Variants in EPB41L2 observed in about 807,000 individuals in gnomAD.
EPB41L2 encodes erythrocyte membrane protein band 4.1 like 2.
EPB41L2 carries 43 observed loss-of-function variants against 113.0 expected under a neutral mutation model. The ratio of observed to expected loss-of-function variants is 0.38; its 90% confidence interval spans 0.30 to 0.49. The LOEUF (loss-of-function observed/expected upper bound fraction) is 0.49. EPB41L2 is among the 20% of genes least tolerant of loss of function. The probability of loss-of-function intolerance (pLI) is 0.95; values close to 1 mark genes in which losing one functional copy is unlikely to be tolerated. For missense variants in EPB41L2, 1,147 were observed against 1,223.4 expected, an observed-to-expected ratio of 0.94 and a Z score of 0.93; for synonymous variants, 442 against 436.7, an observed-to-expected ratio of 1.01 and a Z score of -0.15.
intron 1 of EPB41L2, among the ~76,000 whole-genome samples, chr6:130,972,941 A>C (rs1187832068): frequency 2.1e-5 from 1 of 47,946 alleles, no homozygotes; most frequent in Non-Finnish European, 5.8e-5. Context: ...AAGATACAAA[A>C]AAAAAAAAAA....
Position 130,955,208 on chromosome 6 carries a change from T to C in EPB41L2, c.602A>G (p.Glu201Gly). ...TTGAGATGCCTTCTCTGCTTTCAGC[T>C]CATTGGTCTGCACTTCCTTGGTCTC... ...KRETKEVQTNELKAEKASQKV... is the reference protein window; with the variant it reads ...KRETKEVQTNGLKAEKASQKV... The change falls in exon 3 of 20, where the codon GAG becomes GGG. Residue 201 changes from glutamate (E) to glycine (G), a missense_variant. Glu to Gly is a moderately conservative substitution (Grantham distance 98). Coordinates refer to ENST00000337057, the MANE Select transcript of EPB41L2 (RefSeq NM_001431.4). The C allele has an allele frequency of 6.2e-7, 1 of 1,614,192 alleles. No individual in the cohort carries two copies.
At chr6:130,957,677 A>G (rs1050547962) in intron 1 of EPB41L2, among the ~76,000 whole-genome samples, 1 of 148,216 alleles carries the variant, frequency 6.7e-6, no homozygotes, top group Non-Finnish European at 1.5e-5. Flanking sequence ...ACAAACTTGA[A>G]TAAGTCAAAA....
At chr6:131,046,314 T>C (rs1337553223) in intron 1 of EPB41L2, among the ~76,000 whole-genome samples, 7 of 152,084 alleles carry the variant, frequency 4.6e-5, no homozygotes, top group Admixed American at 4.6e-4. Context: ...TATTTCAGGG[T>C]ACCTGAACCA....
chr6:131,034,266 G>T (rs1189095376), intron 1 of EPB41L2, among the ~76,000 whole-genome samples: 1 of 152,106 alleles, frequency 6.6e-6, no homozygotes, highest in Non-Finnish European at 1.5e-5. Flanking sequence ...ACATATTGGG[G>T]GTTGGGGGGG....
chr6:131,027,564 A>T (rs1192541091), intron 1 of EPB41L2, among the ~76,000 whole-genome samples: 2 of 152,240 alleles, frequency 1.3e-5, no homozygotes, highest in Non-Finnish European at 2.9e-5. Context: ...AAAAAGATAC[A>T]AGGCCAATGC....
intron 3 of EPB41L2, among the ~76,000 whole-genome samples, chr6:130,952,015 G>A (rs1815290741): frequency 6.6e-6 from 1 of 152,132 alleles, no homozygotes; most frequent in African/African-American, 2.4e-5. Context: ...AAGTCGTGAA[G>A]ATTTGCAGAT....
intron 3 of EPB41L2, among the ~76,000 whole-genome samples, chr6:130,936,788 A>G (rs993488416): frequency 2.6e-5 from 4 of 152,190 alleles, no homozygotes; most frequent in Non-Finnish European, 5.9e-5. Context: ...AAATTCAGCT[A>G]TCGATTAGTT....
intron 1 of EPB41L2, among the ~76,000 whole-genome samples, chr6:131,009,398 T>A (rs779721142): frequency 6.6e-6 from 1 of 152,142 alleles, no homozygotes; most frequent in Non-Finnish European, 1.5e-5. Context: ...TATTTGTTCA[T>A]AGCAGCATGA....
intron 19 of EPB41L2, among the ~76,000 whole-genome samples, chr6:130,843,386 G>C (rs1416185893): frequency 6.6e-6 from 1 of 152,150 alleles, no homozygotes; most frequent in Non-Finnish European, 1.5e-5. Context: ...CTAGGCAATG[G>C]CTCTTCATGT....
chr6:130,868,212 C>T (rs1387080568), intron 15 of EPB41L2: 5 of 153,172 alleles, frequency 3.3e-5, no homozygotes, highest in South Asian at 2.0e-4. Flanking sequence ...AACAGACACA[C>T]CATTTTCAGA....
intron 14 of EPB41L2, chr6:130,876,571 T>C (rs948862597): frequency 5.0e-6 from 3 of 600,784 alleles, no homozygotes; most frequent in South Asian, 2.4e-5. Context: ...TTCAAAAAAA[T>C]TTTAGTATGA....
At chr6:130,963,561 T>C (rs1407710532) in intron 1 of EPB41L2, among the ~76,000 whole-genome samples, 1 of 152,172 alleles carries the variant, frequency 6.6e-6, no homozygotes, top group Non-Finnish European at 1.5e-5. Context: ...GGCATAATTT[T>C]CAATAACATC....
At chr6:131,012,369 C>T (rs961427922) in intron 1 of EPB41L2, among the ~76,000 whole-genome samples, 3 of 148,564 alleles carry the variant, frequency 2.0e-5, no homozygotes, top group South Asian at 2.2e-4. Flanking sequence ...AGGAGCTGTC[C>T]CTGTGAACTG....
chr6:130,968,221 C>T (rs1295331251), intron 1 of EPB41L2, among the ~76,000 whole-genome samples: 4 of 152,150 alleles, frequency 2.6e-5, no homozygotes, highest in Non-Finnish European at 5.9e-5. Flanking sequence ...GTTAACTGCA[C>T]AGGATAAACG....
At chr6:131,047,869 C>A (rs1055618192) in intron 1 of EPB41L2, among the ~76,000 whole-genome samples, 1 of 152,014 alleles carries the variant, frequency 6.6e-6, no homozygotes, top group South Asian at 2.1e-4. Flanking sequence ...CGGCTGGGCG[C>A]GGTGGCTCAT....
At chr6:130,931,374 G>A (rs999573219) in intron 3 of EPB41L2, among the ~76,000 whole-genome samples, 8 of 151,830 alleles carry the variant, frequency 5.3e-5, no homozygotes. Flanking sequence ...ATAAAAAGAA[G>A]GACTGAGAAG....
Position 130,863,680 on chromosome 6 carries a change from T to C in EPB41L2, c.2868A>G (p.Lys956=), listed in dbSNP as rs1433413788. ...KGGISETRIE[K]RIVITGDGDI... ...CTCCATCTCCTGTGATCACAATGCG[T>C]TTCTCAATTCTTGTTTCAGAAATTC... is the stretch of plus-strand genomic sequence containing the variant. The change falls in exon 18 of 20, where the codon AAA becomes AAG. Residue 956 remains lysine (K), a synonymous_variant. Coordinates refer to ENST00000337057, the MANE Select transcript of EPB41L2 (RefSeq NM_001431.4). 1.2e-6 allele frequency: 2 copies of C among 1,613,748 alleles called. No homozygotes were observed. The highest frequency in any genetic ancestry group is 4.5e-5 in the East Asian group (2 of 44,868).
intron 1 of EPB41L2, among the ~76,000 whole-genome samples, chr6:131,055,064 C>T (rs1797348092): frequency 2.6e-5 from 4 of 152,228 alleles, no homozygotes; most frequent in African/African-American, 9.6e-5. Context: ...ATATAACCTC[C>T]AGTGGTATAC....
chr6:130,866,968 G>GTGTGTT (rs1382897671), intron 16 of EPB41L2, among the ~76,000 whole-genome samples: 8 of 151,964 alleles, frequency 5.3e-5, no homozygotes, highest in Non-Finnish European at 1.2e-4. Flanking sequence ...GTGTGCCTGT[G>GTGTGTT]TGTGTTTGTG....
Sources: allele counts gnomAD v4.1 joint callset (sites outside exome capture counted in the v4.1 genomes callset), GRCh38; gene constraint gnomAD v4.1.1; transcripts MANE v1.5; gene names NCBI Gene and HGNC (gene_info 2026-07-23, HGNC 2026-07-21).